Variants in PTPRD observed in about 807,000 individuals in gnomAD.
The protein encoded by PTPRD is protein tyrosine phosphatase receptor type D.
A neutral mutation model predicts 214.5 loss-of-function variants in PTPRD; 34 were observed. The observed-to-expected ratio is 0.16, with a 90% CI of 0.12 to 0.21. The LOEUF (loss-of-function observed/expected upper bound fraction) is 0.21. Among genes scored for constraint, PTPRD ranks in the 10% least tolerant of loss-of-function variants. The probability of loss-of-function intolerance (pLI) is 1.00; values close to 1 mark genes in which losing one functional copy is unlikely to be tolerated. For synonymous variants in PTPRD, 1,128 were observed against 845.7 expected (o/e 1.33, Z -5.79); for missense variants, 2,545 against 2,398.7 (o/e 1.06, Z -1.27).
At chr9:10,321,810 G>C (rs2096557850) in intron 3 of PTPRD, among the ~76,000 whole-genome samples, 2 of 152,088 alleles carry the variant, frequency 1.3e-5, no homozygotes, top group Admixed American at 6.6e-5. Context: ...AAATTCAAAT[G>C]ATCATTGCAA....
At chr9:9,834,595 T>C (rs1422831902) in intron 5 of PTPRD, among the ~76,000 whole-genome samples, 1 of 152,084 alleles carries the variant, frequency 6.6e-6, no homozygotes, top group Non-Finnish European at 1.5e-5. Context: ...TCCATCAGTT[T>C]CTGAAATAAG....
At chr9:9,710,865 A>G (rs1182949693) in intron 7 of PTPRD, among the ~76,000 whole-genome samples, 1 of 152,170 alleles carries the variant, frequency 6.6e-6, no homozygotes, top group Non-Finnish European at 1.5e-5. Flanking sequence ...GATGAGAAGA[A>G]GACATGATTT....
At chr9:9,009,061 A>G (rs1222908241) in intron 11 of PTPRD, among the ~76,000 whole-genome samples, 2 of 152,196 alleles carry the variant, frequency 1.3e-5, no homozygotes, top group African/African-American at 4.8e-5. Flanking sequence ...CAAAACCCAT[A>G]TAATCAGGCT....
chr9:8,338,232 G>T (rs528106150), intron 43 of PTPRD, among the ~76,000 whole-genome samples: 265 of 152,226 alleles, frequency 1.7e-3, no homozygotes, highest in African/African-American at 6.2e-3. Flanking sequence ...AGATGTGTTT[G>T]TAATCATGGG....
At position 8,317,598 on chromosome 9, in the gene PTPRD, C is replaced by T; in HGVS notation, c.*276G>A. 3.1e-6 allele frequency: 1 copy of T among 323,396 alleles called. No homozygotes were observed. Among genetic ancestry groups the T allele is most frequent in the Non-Finnish European group, 5.9e-6 (1 of 169,484 alleles). 20.0% of individuals were successfully genotyped at this position (323,396 alleles called of 1,614,324 possible). A position where few individuals can be genotyped will look rare whatever the true frequency, so the allele number is the denominator to read the frequency against. ...GTTCTTTGCTGTGATTTCTTCTTCC[C>T]TTGATTTTGAATCCTTGAGGTATCT... is the stretch of plus-strand genomic sequence containing the variant. On this transcript the variant is annotated 3_prime_UTR_variant, in exon 46 of 46. Coordinates refer to ENST00000381196, the MANE Select transcript of PTPRD (RefSeq NM_002839.4).
At position 8,485,917 on chromosome 9, in the gene PTPRD, G is replaced by T. The variant is rs757868633; in HGVS notation, c.2900C>A (p.Pro967Gln). ...AGCTGGAACAATAAGCTGCTCCATC[G>T]GGAGAAGGGGGATGTTGATATCCCT... ...LYRDINIPLL[P>Q]MEQLIVPADT... Residue 967 changes from proline to glutamine, a missense_variant, in exon 28 of 46, where the codon CCG becomes CAG. Physicochemically the swap from Pro to Gln is moderately conservative, Grantham distance 76. Transcript: ENST00000381196. 2 of 1,614,146 alleles carry T rather than the reference G, an allele frequency of 1.2e-6. No homozygotes were observed. The highest frequency in any genetic ancestry group is 1.7e-6 in the Non-Finnish European group (2 of 1,180,020).
At chr9:8,487,759 G>A (rs1177214451) in intron 27 of PTPRD, among the ~76,000 whole-genome samples, 2 of 152,090 alleles carry the variant, frequency 1.3e-5, no homozygotes, top group African/African-American at 2.4e-5. Flanking sequence ...GCAGTGAGCC[G>A]AGATCATGCC....
At chr9:8,326,944 GTCTTT>G (rs1330095788) in intron 44 of PTPRD, among the ~76,000 whole-genome samples, 2 of 146,392 alleles carry the variant, frequency 1.4e-5, no homozygotes, top group African/African-American at 2.5e-5. Flanking sequence ...TGAGTCTTCT[GTCTTT>G]TCTATCTATT....
At chr9:9,686,613 A>C (rs930196215) in intron 7 of PTPRD, among the ~76,000 whole-genome samples, 1 of 151,612 alleles carries the variant, frequency 6.6e-6, no homozygotes, top group Admixed American at 6.6e-5. Flanking sequence ...TTTCTACATA[A>C]ATTTTATCTA....
At chr9:9,348,628 T>C (rs1188086036) in intron 9 of PTPRD, among the ~76,000 whole-genome samples, 2 of 152,090 alleles carry the variant, frequency 1.3e-5, no homozygotes, top group African/African-American at 4.8e-5. Context: ...GGACAGGAGT[T>C]GGGGTAAGAG....
chr9:10,205,172 G>C (rs2154336963), intron 3 of PTPRD, among the ~76,000 whole-genome samples: 1 of 151,916 alleles, frequency 6.6e-6, no homozygotes, highest in Middle Eastern at 3.4e-3. Context: ...TAATATGTTA[G>C]TATTGAATTT....
intron 9 of PTPRD, among the ~76,000 whole-genome samples, chr9:9,272,711 G>A (rs1284648082): frequency 6.6e-6 from 1 of 151,236 alleles, no homozygotes. Flanking sequence ...TTGTTCAGAA[G>A]TCAGTTTCTT....
intron 3 of PTPRD, among the ~76,000 whole-genome samples, chr9:10,070,717 T>A (rs1167480613): frequency 6.6e-6 from 1 of 152,042 alleles, no homozygotes; most frequent in Non-Finnish European, 1.5e-5. Context: ...AGTCTTTACA[T>A]CAATGTTTCT....
In PTPRD at chr9:8,314,498, A is replaced by T. The variant is rs1475643548; in HGVS notation, c.*3376T>A. On this transcript the variant is annotated 3_prime_UTR_variant, in exon 46 of 46. Transcript: ENST00000381196. ...CATCCAAAACGAGAGCAAAGAACAC[A>T]ACTGTTATTATCTTTGTAAAGACAC... The T allele has an allele frequency of 4.3e-6, 1 of 231,910 alleles. No homozygotes were observed. The highest frequency in any genetic ancestry group is 5.7e-5 in the Admixed American group (1 of 17,684). 14.4% of individuals were successfully genotyped at this position (231,910 alleles called of 1,614,324 possible). A position where few individuals can be genotyped will look rare whatever the true frequency, so the allele number is the denominator to read the frequency against.
intron 9 of PTPRD, among the ~76,000 whole-genome samples, chr9:9,293,579 T>C (rs1023487591): frequency 1.3e-5 from 2 of 151,520 alleles, no homozygotes; most frequent in African/African-American, 2.4e-5. Context: ...TTGCTACTGG[T>C]GGTTGGTTTT....
chr9:10,551,926 T>C (rs2061449522), intron 2 of PTPRD, among the ~76,000 whole-genome samples: 2 of 152,186 alleles, frequency 1.3e-5, no homozygotes, highest in South Asian at 4.1e-4. Flanking sequence ...CTTCAAGTAC[T>C]CCCTTTCTGC....
intron 9 of PTPRD, among the ~76,000 whole-genome samples, chr9:9,387,567 T>G (rs2064294835): frequency 6.6e-6 from 1 of 152,206 alleles, no homozygotes; most frequent in Non-Finnish European, 1.5e-5. Context: ...CTGCTTTTAT[T>G]AATACTTTCT....
chr9:9,285,836 T>C (rs1383522055), intron 9 of PTPRD, among the ~76,000 whole-genome samples: 4 of 151,874 alleles, frequency 2.6e-5, no homozygotes, highest in Non-Finnish European at 5.9e-5. Context: ...CTACTCTTTG[T>C]ATGTAGATAG....
chr9:9,552,272 T>C (rs546843257), intron 8 of PTPRD, among the ~76,000 whole-genome samples: 7 of 152,160 alleles, frequency 4.6e-5, no homozygotes, highest in South Asian at 4.1e-4. Flanking sequence ...ATAAAGAGTA[T>C]TGAAGAAGGA....
Sources: gnomAD v4.1 joint callset for allele counts (sites outside exome capture counted in the v4.1 genomes callset) on GRCh38, gnomAD v4.1.1 for gene constraint, MANE v1.5 for transcripts, NCBI Gene and HGNC (gene_info 2026-07-23, HGNC 2026-07-21) for gene names.